The following LIG1 variants were observed in gnomAD, a reference collection of about 807,000 sequenced individuals.
The protein encoded by LIG1 is DNA ligase 1, also known as ligase I, DNA, ATP-dependent.
A neutral mutation model predicts 115.7 loss-of-function variants in LIG1; 70 were observed. The ratio of observed to expected loss-of-function variants is 0.60; its 90% confidence interval spans 0.50 to 0.74. LIG1 has a LOEUF of 0.74. Ranked by LOEUF, LIG1 falls within the 30% of genes least tolerant of loss-of-function variation. The pLI is 0.00. For missense variants in LIG1, 1,115 were observed against 1,225.6 expected (o/e 0.91, Z 1.35); for synonymous variants, 487 against 495.3 (o/e 0.98, Z 0.22).
rs3731015 is a variant in LIG1, at chr19:48,122,488, C to T, written c.2232+446G>A. On this transcript the variant is annotated intron_variant, in intron 23 of 27. Transcript: ENST00000263274. This position sits in a 1 kb window ranked among gnomAD's most constrained non-coding sequence, Gnocchi z 4.3. ...GTCTCTGCACCGGGGGTTTTCCTCC[C>T]TAGTGCTCTGTCCCTCACTTTGGGA... is the stretch of plus-strand genomic sequence containing the variant. 3.4e-6 allele frequency: 1 copy of T among 294,176 alleles called. No individual in the cohort carries two copies. The highest frequency in any genetic ancestry group is 8.7e-5 in the East Asian group (1 of 11,554). The allele number at this position is 294,176 out of a possible 1,614,324, so 18.2% of individuals were successfully genotyped here.
chr19:48,123,533 C>T (rs949817453), intron 21 of LIG1: 14 of 607,514 alleles, frequency 2.3e-5, no homozygotes, highest in South Asian at 3.9e-5. Context: ...CATTTAGAGT[C>T]GGTGACTTCA....
chr19:48,159,604 A>G (rs2036054367), intron 4 of LIG1, among the ~76,000 whole-genome samples: 1 of 152,250 alleles, frequency 6.6e-6, no homozygotes, highest in South Asian at 2.1e-4. Flanking sequence ...TGGGCCTGAT[A>G]TAGTCACAGG....
intron 3 of LIG1, among the ~76,000 whole-genome samples, 175 bp downstream of exon 3, chr19:48,162,087 C>T (rs937006595): frequency 1.3e-5 from 2 of 152,234 alleles, no homozygotes; most frequent in East Asian, 1.9e-4. Context: ...CAGACAACTC[C>T]GAGGCCCTGG....
chr19:48,148,000 T>C (rs1308763766), intron 9 of LIG1, among the ~76,000 whole-genome samples: 1 of 152,134 alleles, frequency 6.6e-6, no homozygotes. Flanking sequence ...CTCTTTACCA[T>C]GTGACAAGAC....
Position 48,137,173 on chromosome 19 carries a change from G to A in LIG1, c.1255-89C>T. ...CAGCCGTGCTGCTGCCCTGCATTTT[G>A]GAATACCTGCCCTCCTTCCCTCACC... On this transcript the variant is annotated intron_variant, in intron 13 of 27. Coordinates refer to ENST00000263274, the MANE Select transcript of LIG1 (RefSeq NM_000234.3). The surrounding 1 kb of genome is among the most constrained non-coding windows in gnomAD (Gnocchi z 4.3). The A allele has an allele frequency of 9.0e-7, 1 of 1,105,932 alleles. No individual in the cohort carries two copies. Among genetic ancestry groups the A allele is most frequent in the South Asian group, 1.3e-5 (1 of 75,366 alleles). 68.5% of individuals were successfully genotyped at this position (1,105,932 alleles called of 1,614,324 possible).
At chr19:48,118,408 A>G (rs2033017919) in intron 25 of LIG1, 1 of 161,886 alleles carries the variant, frequency 6.2e-6, no homozygotes, top group Non-Finnish European at 1.4e-5. Flanking sequence ...GTTCCCCTGC[A>G]CACGCTCTCT....
At chr19:48,119,527 GTCTTT>G (rs2033118249) in intron 24 of LIG1, among the ~76,000 whole-genome samples, 1 of 120,788 alleles carries the variant, frequency 8.3e-6, no homozygotes, top group Non-Finnish European at 1.7e-5. Context: ...CTCACTTCCA[GTCTTT>G]TTTTTTTTTT....
chr19:48,121,111 C>A (rs930309001), intron 24 of LIG1, 59 bp downstream of exon 24: 13 of 1,613,304 alleles, frequency 8.1e-6, no homozygotes, highest in Non-Finnish European at 1.0e-5. Context: ...TAGGAAATAC[C>A]CCCGGGAGTC....
chr19:48,149,730 G>C, intron 9 of LIG1, 33 bp downstream of exon 9: 1 of 1,578,124 alleles, frequency 6.3e-7, no homozygotes, highest in South Asian at 1.1e-5. Flanking sequence ...AACACATCCC[G>C]AAGAACCTTT....
chr19:48,115,499 G>C lies in LIG1; in HGVS notation c.*150C>G. 1.5e-6 allele frequency: 1 copy of C among 667,206 alleles called. No homozygotes were observed. The highest frequency in any genetic ancestry group is 2.7e-6 in the Non-Finnish European group (1 of 366,652). The allele number at this position is 667,206 out of a possible 1,614,324, so 41.3% of individuals were successfully genotyped here. A position where few individuals can be genotyped will look rare whatever the true frequency, so the allele number is the denominator to read the frequency against. On this transcript the variant is annotated 3_prime_UTR_variant, in exon 28 of 28. Transcript: ENST00000263274. ...AATGACGGGATGAATCCCAGACTCC[G>C]GAGTAAGCCACCCCCTCACACACAC... is the stretch of plus-strand genomic sequence containing the variant.
chr19:48,136,722 G>C (rs746433407), intron 14 of LIG1, among the ~76,000 whole-genome samples: 12 of 152,188 alleles, frequency 7.9e-5, no homozygotes, highest in Non-Finnish European at 1.6e-4. Context: ...GCTTCCTGCT[G>C]CAGGGCCCGC....
chr19:48,127,162 C>A, intron 21 of LIG1, 115 bp downstream of exon 21: 1 of 854,338 alleles, frequency 1.2e-6, no homozygotes, highest in Non-Finnish European at 2.0e-6. Flanking sequence ...CCAAGTGTGG[C>A]TTCCTGGCCA....
At chr19:48,135,842 G>C in intron 15 of LIG1, 63 bp from the exon 16 acceptor site, 2 of 1,451,468 alleles carry the variant, frequency 1.4e-6, no homozygotes, top group Non-Finnish European at 1.9e-6. Flanking sequence ...CCAGGGTGCA[G>C]TGGGTGGTTT....
At chr19:48,118,945 G>A (rs965039795) in intron 25 of LIG1, among the ~76,000 whole-genome samples, 192 bp downstream of exon 25, 2 of 152,184 alleles carry the variant, frequency 1.3e-5, no homozygotes, top group Admixed American at 6.5e-5. Flanking sequence ...AGGGTCACCA[G>A]CTAGTAGCCG....
chr19:48,148,762 T>C (rs1225035820), intron 9 of LIG1, among the ~76,000 whole-genome samples: 1 of 152,206 alleles, frequency 6.6e-6, no homozygotes, highest in Non-Finnish European at 1.5e-5. Context: ...TGTGTGCATG[T>C]TAGATGTCGT....
intron 26 of LIG1, among the ~76,000 whole-genome samples, chr19:48,116,931 G>GT (rs2032881467): frequency 6.6e-6 from 1 of 152,192 alleles, no homozygotes; most frequent in African/African-American, 2.4e-5. Flanking sequence ...GAGGCCAGGT[G>GT]TTTGTGACCA....
At position 48,170,299 on chromosome 19, in the gene LIG1, C is replaced by G. The variant is rs763739465; in HGVS notation, c.-116G>C. 4.4e-6 allele frequency: 2 copies of G among 452,606 alleles called. No individual in the cohort carries two copies. Among genetic ancestry groups the G allele is most frequent in the South Asian group, 3.1e-5 (2 of 64,360 alleles). The allele number at this position is 452,606 out of a possible 1,614,324, so 28.0% of individuals were successfully genotyped here. On this transcript the variant is annotated 5_prime_UTR_variant, in exon 1 of 28. Coordinates refer to ENST00000263274, the MANE Select transcript of LIG1 (RefSeq NM_000234.3). The stretch of plus-strand genomic sequence containing the variant: ...ACACACTCAGATCCGCCAGGCGCGC[C>G]TCTGCAGTCCCAAGTTCGCGCCACG...
intron 1 of LIG1, among the ~76,000 whole-genome samples, chr19:48,167,825 T>TAAAAAAAAAAAAAA (rs776208781): frequency 3.5e-5 from 4 of 113,722 alleles, no homozygotes; most frequent in African/African-American, 6.4e-5. Flanking sequence ...GACCCCGTCT[T>TAAAAAAAAAAAAAA]AAAAAAAAAA....
chr19:48,124,251 C>CA (rs1352725086), intron 21 of LIG1, among the ~76,000 whole-genome samples: 4 of 152,172 alleles, frequency 2.6e-5, no homozygotes, highest in African/African-American at 9.7e-5. Context: ...TGCTCATGAA[C>CA]ATTTTGTATG....
Sources: allele counts gnomAD v4.1 joint callset (sites outside exome capture counted in the v4.1 genomes callset), GRCh38; gene constraint gnomAD v4.1.1; non-coding constraint Gnocchi (gnomAD v3.1); transcripts MANE v1.5; gene names NCBI Gene and HGNC (gene_info 2026-07-23, HGNC 2026-07-21).